The following ATAD2B variants were observed in gnomAD, a reference collection of about 807,000 sequenced individuals.
ATAD2B encodes ATPase family AAA domain containing 2B.
A neutral mutation model predicts 167.6 loss-of-function variants in ATAD2B; 40 were observed. The observed-to-expected ratio is 0.24, with a 90% CI of 0.19 to 0.31. ATAD2B has a LOEUF of 0.31. Among genes scored for constraint, ATAD2B ranks in the 10% least tolerant of loss-of-function variants. ATAD2B has a pLI of 1.00. For synonymous variants in ATAD2B, 579 were observed against 596.5 expected (o/e 0.97, Z 0.43); for missense variants, 1,242 against 1,757.2 (o/e 0.71, Z 5.24).
At chr2:23,683,176 CA>C in the ATAD2B span, among the ~76,000 whole-genome samples, 2 of 152,230 alleles carry the variant, frequency 1.3e-5, no homozygotes, top group Non-Finnish European at 2.9e-5. Context: ...GGCCCTGGCC[CA>C]TGTGGACAGC....
intron 1 of ATAD2B, among the ~76,000 whole-genome samples, chr2:23,918,589 T>G (rs1377361101): frequency 6.6e-6 from 1 of 152,152 alleles, no homozygotes; most frequent in Non-Finnish European, 1.5e-5. Flanking sequence ...ATATTTCATA[T>G]CCCTATATGT....
intron 13 of ATAD2B, among the ~76,000 whole-genome samples, chr2:23,847,817 T>C (rs1480714582): frequency 6.7e-6 from 1 of 149,550 alleles, no homozygotes; most frequent in African/African-American, 2.5e-5. Flanking sequence ...AAACCCCATC[T>C]CTACTAAAAA....
chr2:23,722,237 T>C, the ATAD2B span, among the ~76,000 whole-genome samples: 2 of 152,086 alleles, frequency 1.3e-5, no homozygotes, highest in Non-Finnish European at 2.9e-5. Flanking sequence ...AATAATTCTA[T>C]AGGAACAGAT....
chr2:23,742,736 TA>T, the ATAD2B span, among the ~76,000 whole-genome samples: 84 of 147,968 alleles, frequency 5.7e-4, 1 homozygote, highest in Middle Eastern at 3.4e-3. Flanking sequence ...AGTGGAACAA[TA>T]AAAAAAAAAT....
the ATAD2B span, among the ~76,000 whole-genome samples, chr2:23,678,896 G>A: frequency 0.033 from 5,012 of 152,218 alleles, 102 homozygotes; most frequent in South Asian, 0.09. Context: ...GGTGGTTGCC[G>A]GGGATGAGTG....
In ATAD2B at chr2:23,888,379, G is replaced by A; in HGVS notation, c.389C>T (p.Ala130Val). The change falls in exon 3 of 28, where the codon GCT becomes GTT. Residue 130 changes from alanine to valine, a missense_variant. Coordinates refer to ENST00000238789, the MANE Select transcript of ATAD2B (RefSeq NM_017552.4). ...GQARLTSQPG[A>V]TLPNGHSGLS... Reference sequence around the variant, plus strand: ...GCCACTATGTCCATTTGGTAATGTAGCACCAGGCTGAGAAGTTAACCTAGA... The same window carrying A: ...GCCACTATGTCCATTTGGTAATGTAACACCAGGCTGAGAAGTTAACCTAGA... The A allele has an allele frequency of 6.3e-7, 1 of 1,592,406 alleles. No homozygotes were observed. The highest frequency in any genetic ancestry group is 1.3e-5 in the African/African-American group (1 of 74,240).
At chr2:23,737,071 C>A in the ATAD2B span, among the ~76,000 whole-genome samples, 2 of 152,216 alleles carry the variant, frequency 1.3e-5, no homozygotes, top group African/African-American at 2.4e-5. Flanking sequence ...GGATGGAGCC[C>A]ACCACAGCTA....
intron 1 of ATAD2B, among the ~76,000 whole-genome samples, chr2:23,915,588 T>C (rs1702930502): frequency 3.8e-5 from 1 of 26,048 alleles, no homozygotes; most frequent in Non-Finnish European, 9.9e-5. Context: ...TACCGATTCT[T>C]TTTTTTTTTT....
chr2:23,682,662 G>A, the ATAD2B span, among the ~76,000 whole-genome samples: 2 of 151,442 alleles, frequency 1.3e-5, no homozygotes, highest in Admixed American at 6.6e-5. This position sits in a 1 kb window ranked among gnomAD's most constrained non-coding sequence, Gnocchi z 4.1. Flanking sequence ...CTGCCCCCTC[G>A]TGCTCCTGCA....
intron 22 of ATAD2B, among the ~76,000 whole-genome samples, chr2:23,773,336 T>A (rs551133296): frequency 6.6e-6 from 1 of 152,166 alleles, no homozygotes; most frequent in South Asian, 2.1e-4. Context: ...GGAGACCCCA[T>A]CTCTGCAAAA....
intron 1 of ATAD2B, among the ~76,000 whole-genome samples, chr2:23,911,090 G>A (rs1227542614): frequency 6.6e-6 from 1 of 151,058 alleles, no homozygotes; most frequent in Non-Finnish European, 1.5e-5. Flanking sequence ...TCGTAGTGGC[G>A]CATGCCTGTA....
chr2:23,822,941 AG>A (rs59197435), intron 16 of ATAD2B, among the ~76,000 whole-genome samples: 1 of 144,876 alleles, frequency 6.9e-6, no homozygotes. Flanking sequence ...AAAAAAAAAA[AG>A]GATTAGTAAG....
At chr2:23,851,090 GC>G (rs1383528428) in intron 13 of ATAD2B, among the ~76,000 whole-genome samples, 1 of 152,136 alleles carries the variant, frequency 6.6e-6, no homozygotes, top group Non-Finnish European at 1.5e-5. Flanking sequence ...GGACATCCCA[GC>G]CTCCAGAAAT....
At chr2:23,736,227 A>C in the ATAD2B span, among the ~76,000 whole-genome samples, 2 of 148,468 alleles carry the variant, frequency 1.3e-5, no homozygotes, top group Non-Finnish European at 3.0e-5. Context: ...CCATAAAGGA[A>C]CCCCCCCCAT....
At chr2:23,834,129 T>C in intron 13 of ATAD2B, 51 bp from the exon 14 acceptor site, 1 of 713,864 alleles carries the variant, frequency 1.4e-6, no homozygotes, top group Non-Finnish European at 2.1e-6. Context: ...CACTGCTGCT[T>C]ACAATAACGT....
At chr2:23,825,086 G>C (rs1688037275) in intron 15 of ATAD2B, among the ~76,000 whole-genome samples, 1 of 150,666 alleles carries the variant, frequency 6.6e-6, no homozygotes, top group South Asian at 2.1e-4. Flanking sequence ...TGAGACTACA[G>C]TGTGTGCCAT....
the ATAD2B span, among the ~76,000 whole-genome samples, chr2:23,685,721 T>C: frequency 6.6e-6 from 1 of 152,148 alleles, no homozygotes; most frequent in Non-Finnish European, 1.5e-5. Flanking sequence ...TTGGGCTCTC[T>C]CTGTCCAAGC....
At chr2:23,701,505 G>A in the ATAD2B span, among the ~76,000 whole-genome samples, 1 of 152,188 alleles carries the variant, frequency 6.6e-6, no homozygotes, top group African/African-American at 2.4e-5. Context: ...TTAAGCTCAG[G>A]AGTTCGAGAC....
chr2:23,757,941 C>G lies in ATAD2B; in HGVS notation c.3555G>C (p.Glu1185Asp). Reference sequence around the variant, plus strand: ...TTTCCTCATGGCAGTCAGTGCTTACCTCAAACTCTCCATTCTCTAATAATT... The same window carrying G: ...TTTCCTCATGGCAGTCAGTGCTTACGTCAAACTCTCCATTCTCTAATAATT... Reference protein sequence around the residue: ...DRKLLENGEFEVSTDCHEENG... With the variant: ...DRKLLENGEFDVSTDCHEENG... Residue 1185 changes from glutamate (E) to aspartate (D), a missense_variant, in exon 25 of 28, where the codon GAG becomes GAC. Around this residue, in one of 9 missense-constraint regions of ATAD2B, gnomAD observed 282 missense variants for 346.8 expected, o/e 0.81. Transcript: ENST00000238789. The G allele has an allele frequency of 6.2e-7, 1 of 1,613,494 alleles. No homozygotes were observed. The highest frequency in any genetic ancestry group is 1.3e-5 in the African/African-American group (1 of 74,994).
Sources: gnomAD v4.1 joint callset for allele counts (sites outside exome capture counted in the v4.1 genomes callset) on GRCh38, gnomAD v4.1.1 for gene constraint, gnomAD v4.1.1 regional missense constraint, Gnocchi (gnomAD v3.1) non-coding constraint, MANE v1.5 for transcripts, NCBI Gene and HGNC (gene_info 2026-07-23, HGNC 2026-07-21) for gene names.